XXYLT1: variants seen among roughly 807,000 people sequenced by gnomAD.
XXYLT1 encodes the protein UDP-xylose:alpha-xyloside alpha-1,3-xylosyltransferase.
In XXYLT1, 20 loss-of-function variants were observed where a neutral mutation model predicts 28.9. The ratio of observed to expected loss-of-function variants is 0.69; its 90% CI spans 0.49 to 1.00. XXYLT1 has a LOEUF of 1.00. Among genes scored for constraint, XXYLT1 ranks in the 50% least tolerant of loss-of-function variants. The probability of loss-of-function intolerance (pLI) is 0.00; values close to 1 mark genes in which losing one functional copy is unlikely to be tolerated. For missense variants in XXYLT1, 542 were observed against 560.1 expected (o/e 0.97, Z 0.33); for synonymous variants, 257 against 253.8 (o/e 1.01, Z -0.12).
At chr3:195,251,713 T>C (rs1250063395) in intron 1 of XXYLT1, among the ~76,000 whole-genome samples, 1 of 152,154 alleles carries the variant, frequency 6.6e-6, no homozygotes, top group Non-Finnish European at 1.5e-5. Context: ...CCCAAGCCTC[T>C]ACTACCTCCT....
intron 3 of XXYLT1, among the ~76,000 whole-genome samples, chr3:195,084,621 T>C (rs976838316): frequency 2.6e-5 from 4 of 152,194 alleles, no homozygotes; most frequent in Admixed American, 6.5e-5. Flanking sequence ...CTAAAATACT[T>C]AGGTCAGCCC....
At position 195,168,292 on chromosome 3, in the gene XXYLT1, T is replaced by C. The variant is rs948615889; in HGVS notation, c.653-11711A>G. ...TGCCCCTCACTCATACCTTGTTTGT[T>C]CTCAGAACAGCACAAATATATCATC... On this transcript the variant is annotated intron_variant, in intron 2 of 3. Transcript: ENST00000310380. The surrounding 1 kb of genome is among the most constrained non-coding windows in gnomAD (Gnocchi z 4.3). Among the ~76,000 whole-genome samples the C allele has an allele frequency of 6.6e-6, 1 of 152,134 alleles. No homozygotes were observed. The highest frequency in any genetic ancestry group is 1.5e-5 in the Non-Finnish European group (1 of 68,006).
chr3:195,150,243 AT>A lies in XXYLT1; in HGVS notation c.785+6205del, dbSNP rs1322495019. ...TGCCACATATAGTGTTATAATCTCC[AT>A]TTCTCATGAGCTAAAGAGACTAAGG... On this transcript the variant is annotated intron_variant, in intron 3 of 3. Coordinates refer to ENST00000310380, the MANE Select transcript of XXYLT1 (RefSeq NM_152531.5). This position sits in a 1 kb window ranked among gnomAD's most constrained non-coding sequence, Gnocchi z 4.7. Among the ~76,000 whole-genome samples, 3 of 152,188 alleles carry A rather than the reference AT, an allele frequency of 2.0e-5. No individual in the cohort carries two copies. Among genetic ancestry groups the A allele is most frequent in the African/African-American group, 7.2e-5 (3 of 41,426 alleles).
intron 1 of XXYLT1, among the ~76,000 whole-genome samples, chr3:195,264,299 C>G (rs1725776082): frequency 6.6e-6 from 1 of 152,244 alleles, no homozygotes; most frequent in Non-Finnish European, 1.5e-5. Flanking sequence ...AGGAGGGAGA[C>G]AGAGAGACTA....
intron 1 of XXYLT1, among the ~76,000 whole-genome samples, chr3:195,267,663 T>A: frequency 6.6e-6 from 1 of 152,174 alleles, no homozygotes; most frequent in East Asian, 1.9e-4. Flanking sequence ...AGACAAATAA[T>A]TACTCCAACG....
chr3:195,115,328 G>A lies in XXYLT1; in HGVS notation c.785+41121C>T, dbSNP rs1324520505. On this transcript the variant is annotated intron_variant, in intron 3 of 3. Transcript: ENST00000310380. This position sits in a 1 kb window ranked among gnomAD's most constrained non-coding sequence, Gnocchi z 4.2. ...TTCTGTCCAAACTCCATAATCCTCAGACCTCAACTTAGACTGTTCATCCTT... is the reference window on the plus strand; with the variant it reads ...TTCTGTCCAAACTCCATAATCCTCAAACCTCAACTTAGACTGTTCATCCTT... 1.3e-5 allele frequency among the ~76,000 whole-genome samples: 2 copies of A among 152,160 alleles called. No homozygotes were observed. Among genetic ancestry groups the A allele is most frequent in the Admixed American group, 6.6e-5 (1 of 15,266 alleles).
At chr3:195,252,969 T>G (rs916861182) in intron 1 of XXYLT1, among the ~76,000 whole-genome samples, 5 of 152,118 alleles carry the variant, frequency 3.3e-5, no homozygotes, top group African/African-American at 1.2e-4. Flanking sequence ...CCCTGCTCTA[T>G]CCAAATTAGG....
At chr3:195,221,751 T>C (rs563074307) in intron 2 of XXYLT1, among the ~76,000 whole-genome samples, 1 of 152,128 alleles carries the variant, frequency 6.6e-6, no homozygotes, top group Non-Finnish European at 1.5e-5. Flanking sequence ...AATGTTTTTT[T>C]TTTTCCATTG....
chr3:195,130,936 A>G (rs1286373053), intron 3 of XXYLT1, among the ~76,000 whole-genome samples: 2 of 152,208 alleles, frequency 1.3e-5, no homozygotes, highest in South Asian at 2.1e-4. Context: ...GCTGGACCCA[A>G]TGGTGACAGG....
chr3:195,208,429 G>A (rs780849081), intron 2 of XXYLT1, among the ~76,000 whole-genome samples: 1 of 152,032 alleles, frequency 6.6e-6, no homozygotes, highest in Non-Finnish European at 1.5e-5. Flanking sequence ...AGCTGGCTGC[G>A]TGTGGCACCA....
intron 3 of XXYLT1, among the ~76,000 whole-genome samples, chr3:195,126,951 A>C (rs1718665459): frequency 1.3e-5 from 2 of 152,228 alleles, no homozygotes; most frequent in South Asian, 4.1e-4. Context: ...AAGCAGAAGG[A>C]AATGGTCTTT....
chr3:195,101,781 C>T (rs555615119), intron 3 of XXYLT1, among the ~76,000 whole-genome samples: 25 of 122,548 alleles, frequency 2.0e-4, no homozygotes, highest in Non-Finnish European at 3.5e-4. Context: ...GGAAATGTAG[C>T]GAGACCCTAT....
chr3:195,205,081 G>C (rs1250881289), intron 2 of XXYLT1, among the ~76,000 whole-genome samples: 3 of 152,216 alleles, frequency 2.0e-5, no homozygotes, highest in African/African-American at 4.8e-5. Flanking sequence ...CTCTGGAAAA[G>C]TCTGCCAAAC....
At position 195,240,909 on chromosome 3, in the gene XXYLT1, G is replaced by C. The variant is rs1724747648; in HGVS notation, c.505-14053C>G. Among the ~76,000 whole-genome samples the C allele has an allele frequency of 1.3e-5, 2 of 152,204 alleles. No homozygotes were observed. The highest frequency in any genetic ancestry group is 2.1e-4 in the South Asian group (1 of 4,830). On this transcript the variant is annotated intron_variant, in intron 1 of 3. Coordinates refer to ENST00000310380, the MANE Select transcript of XXYLT1 (RefSeq NM_152531.5). The surrounding 1 kb of genome is among the most constrained non-coding windows in gnomAD (Gnocchi z 4.7). ...CCACTGCACTCCTGCCTGGGCAACA[G>C]AGCAAGACTCCATCTCAAATAAAAA...
chr3:195,131,085 A>C (rs3073343), intron 3 of XXYLT1, among the ~76,000 whole-genome samples: 1,083 of 75,012 alleles, frequency 0.014, 15 homozygotes, highest in African/African-American at 0.065. Context: ...CAGAAATGGG[A>C]CCCAAACAGT....
At chr3:195,224,883 G>A (rs1018284899) in intron 2 of XXYLT1, among the ~76,000 whole-genome samples, 20 of 152,212 alleles carry the variant, frequency 1.3e-4, no homozygotes, top group East Asian at 3.9e-4. Flanking sequence ...AGGCACATAC[G>A]TGGCTAATGG....
chr3:195,207,522 T>TCCACATCCA (rs1723125822), intron 2 of XXYLT1: 1 of 455,304 alleles, frequency 2.2e-6, no homozygotes, highest in South Asian at 1.6e-5. Flanking sequence ...ATAGCCTTGC[T>TCCACATCCA]CAAATACCAC....
intron 2 of XXYLT1, among the ~76,000 whole-genome samples, chr3:195,197,131 G>A (rs1236512542): frequency 6.6e-6 from 1 of 152,150 alleles, no homozygotes; most frequent in South Asian, 2.1e-4. Context: ...TTTCCTCTGG[G>A]ATATTTATTT....
chr3:195,142,830 C>T (rs1560116406), intron 3 of XXYLT1, among the ~76,000 whole-genome samples: 1 of 152,200 alleles, frequency 6.6e-6, no homozygotes, highest in Non-Finnish European at 1.5e-5. Context: ...ATATACCTGC[C>T]ACATCACGCC....
Sources: allele counts gnomAD v4.1 joint callset (sites outside exome capture counted in the v4.1 genomes callset), GRCh38; gene constraint gnomAD v4.1.1; non-coding constraint Gnocchi (gnomAD v3.1); transcripts MANE v1.5; gene names NCBI Gene and HGNC (gene_info 2026-07-23, HGNC 2026-07-21).